The following LDLRAD4 variants were observed in gnomAD, a reference collection of about 807,000 sequenced individuals.
LDLRAD4 encodes the protein low density lipoprotein receptor class A domain containing 4.
Under a neutral mutation model 17.0 loss-of-function variants are expected in LDLRAD4, and 5 were observed. The ratio of observed to expected loss-of-function variants is 0.29; its 90% CI spans 0.15 to 0.62. The LOEUF (loss-of-function observed/expected upper bound fraction) is 0.62, where lower values mean the gene tolerates loss of function less well. Among genes scored for constraint, LDLRAD4 ranks in the 20% least tolerant of loss-of-function variants. The pLI is 0.84. For synonymous variants in LDLRAD4, 168 were observed against 171.8 expected, an observed-to-expected ratio of 0.98 and a Z score of 0.17; for missense variants, 340 against 424.7, an observed-to-expected ratio of 0.80 and a Z score of 1.75.
At chr18:13,335,227 A>G (rs149778307) in intron 1 of LDLRAD4, among the ~76,000 whole-genome samples, 12 of 152,322 alleles carry the variant, frequency 7.9e-5, no homozygotes, top group Admixed American at 2.0e-4. Context: ...CTGGTTCGTT[A>G]GAGGGAAGCT....
At chr18:13,459,387 TG>T (rs2092318481) in intron 3 of LDLRAD4, among the ~76,000 whole-genome samples, 1 of 151,612 alleles carries the variant, frequency 6.6e-6, no homozygotes, top group Admixed American at 6.6e-5. Context: ...TTTTTCTTTT[TG>T]TTTTTGTTTT....
At chr18:13,509,021 G>A (rs924937110) in intron 3 of LDLRAD4, among the ~76,000 whole-genome samples, 1 of 152,096 alleles carries the variant, frequency 6.6e-6, no homozygotes, top group Non-Finnish European at 1.5e-5. Context: ...TATCAGCATC[G>A]GCCAGGCACA....
intron 3 of LDLRAD4, among the ~76,000 whole-genome samples, chr18:13,532,520 A>G (rs539221898): frequency 1.2e-4 from 18 of 152,244 alleles, no homozygotes; most frequent in African/African-American, 4.1e-4. Flanking sequence ...ACATTTTCCT[A>G]AAGTGGGAGG....
intron 1 of LDLRAD4, among the ~76,000 whole-genome samples, chr18:13,292,545 A>T (rs1336747929): frequency 1.3e-5 from 2 of 152,182 alleles, no homozygotes; most frequent in African/African-American, 4.8e-5. Flanking sequence ...AGAGGATGCC[A>T]TTGGGGTGGG....
At chr18:13,349,065 C>T (rs536732871) in intron 1 of LDLRAD4, among the ~76,000 whole-genome samples, 6 of 152,296 alleles carry the variant, frequency 3.9e-5, no homozygotes, top group East Asian at 1.9e-4. Flanking sequence ...ACGCTCGGTG[C>T]GCTGCCCCCA....
At chr18:13,297,637 A>T (rs1033974763) in intron 1 of LDLRAD4, among the ~76,000 whole-genome samples, 4 of 152,180 alleles carry the variant, frequency 2.6e-5, no homozygotes, top group African/African-American at 7.2e-5. Flanking sequence ...TCTACAAAAA[A>T]GTTTTTAAAG....
intron 3 of LDLRAD4, among the ~76,000 whole-genome samples, chr18:13,594,445 C>G (rs1309805648): frequency 1.3e-5 from 2 of 152,036 alleles, no homozygotes; most frequent in African/African-American, 4.8e-5. Flanking sequence ...AATCCCAGCA[C>G]TTTGGAGGCC....
chr18:13,538,458 G>GA (rs1424805202), intron 3 of LDLRAD4, among the ~76,000 whole-genome samples: 3 of 151,150 alleles, frequency 2.0e-5, no homozygotes, highest in Admixed American at 6.6e-5. Context: ...ATAAATGAGA[G>GA]AAAAAAATGC....
chr18:13,525,359 A>C (rs1399131356), intron 3 of LDLRAD4, among the ~76,000 whole-genome samples: 1 of 152,210 alleles, frequency 6.6e-6, no homozygotes, highest in Non-Finnish European at 1.5e-5. Context: ...CCCTGAGTCC[A>C]TTCTGCAAAT....
chr18:13,403,156 T>C (rs1169370514), intron 2 of LDLRAD4, among the ~76,000 whole-genome samples: 1 of 152,246 alleles, frequency 6.6e-6, no homozygotes, highest in Non-Finnish European at 1.5e-5. Context: ...AAAGACTTAA[T>C]AGACGGATGC....
chr18:13,359,237 C>T (rs2083517079), intron 1 of LDLRAD4, among the ~76,000 whole-genome samples: 1 of 152,146 alleles, frequency 6.6e-6, no homozygotes, highest in South Asian at 2.1e-4. Context: ...GACATTGTGT[C>T]ACAGGAGAAG....
intron 3 of LDLRAD4, among the ~76,000 whole-genome samples, chr18:13,472,983 C>T (rs1425302566): frequency 2.0e-5 from 3 of 152,182 alleles, no homozygotes; most frequent in African/African-American, 7.2e-5. Context: ...CATTATCATT[C>T]TCTGAACAGC....
chr18:13,450,667 T>C (rs548319367), intron 3 of LDLRAD4, among the ~76,000 whole-genome samples: 12 of 152,310 alleles, frequency 7.9e-5, no homozygotes, highest in African/African-American at 2.9e-4. Flanking sequence ...TTCTGTCCAG[T>C]GCTAAGTGGT....
intron 4 of LDLRAD4, among the ~76,000 whole-genome samples, chr18:13,639,171 G>A (rs566579843): frequency 2.6e-5 from 4 of 152,308 alleles, no homozygotes; most frequent in African/African-American, 9.6e-5. Flanking sequence ...GAACATCAGT[G>A]CCTTCATTGT....
chr18:13,305,331 G>A lies in LDLRAD4; in HGVS notation c.-383+27143G>A, dbSNP rs534373402. Among the ~76,000 whole-genome samples the A allele has an allele frequency of 2.6e-5, 4 of 152,276 alleles. No homozygotes were observed. The East Asian group carries it at 7.7e-4, about 29-fold the overall frequency. On this transcript the variant is annotated intron_variant, in intron 1 of 5. Transcript: ENST00000359446. ...AAATCATAACTGCATAAAATTAACT[G>A]TAGTCCATTGCTATACTACTGTAAT...
At chr18:13,449,473 C>G (rs761160285) in intron 3 of LDLRAD4, among the ~76,000 whole-genome samples, 2 of 152,372 alleles carry the variant, frequency 1.3e-5, no homozygotes, top group East Asian at 3.9e-4. Flanking sequence ...TGCATCTCCC[C>G]ATTTCAGAGA....
rs965415487 is a variant in LDLRAD4, at chr18:13,645,927, G to A, written c.*270G>A. Reference sequence around the variant, plus strand: ...GTGTGGGCAGGGGAAAACAGAGAACGGGATGCTTTGAAGATACCATGAAAT... The same window carrying A: ...GTGTGGGCAGGGGAAAACAGAGAACAGGATGCTTTGAAGATACCATGAAAT... On this transcript the variant is annotated 3_prime_UTR_variant, in exon 6 of 6. Coordinates refer to ENST00000359446, the Ensembl canonical transcript of LDLRAD4. This position sits in a 1 kb window ranked among gnomAD's most constrained non-coding sequence, Gnocchi z 5.7. The A allele has an allele frequency of 8.1e-5, 27 of 333,960 alleles. No homozygotes were observed. Among genetic ancestry groups the A allele is most frequent in the Admixed American group, 3.8e-4 (8 of 21,264 alleles). 20.7% of individuals were successfully genotyped at this position (333,960 alleles called of 1,614,324 possible). A position where few individuals can be genotyped will look rare whatever the true frequency, so the allele number is the denominator to read the frequency against.
chr18:13,514,669 C>T (rs1249962182), intron 3 of LDLRAD4: 3 of 152,182 alleles, frequency 2.0e-5, no homozygotes, highest in Admixed American at 6.5e-5. Flanking sequence ...GCCGTGGGTT[C>T]GCTTGGTCTT....
At chr18:13,468,788 G>A (rs12965126) in intron 3 of LDLRAD4, among the ~76,000 whole-genome samples, 92,695 of 147,996 alleles carry the variant, frequency 0.63, 29,389 homozygotes, top group Non-Finnish European at 0.68. Flanking sequence ...CTCATAGGTG[G>A]GAATTGAATA....
Sources: gnomAD v4.1 joint callset for allele counts (sites outside exome capture counted in the v4.1 genomes callset) on GRCh38, gnomAD v4.1.1 for gene constraint, Gnocchi (gnomAD v3.1) non-coding constraint, MANE v1.5 for transcripts, NCBI Gene and HGNC (gene_info 2026-07-23, HGNC 2026-07-21) for gene names.